ANKRD31: variants seen among roughly 807,000 people sequenced by gnomAD.
ANKRD31 encodes ankyrin repeat domain-containing protein 31.
In ANKRD31, 147 loss-of-function variants were observed where a neutral mutation model predicts 186.0. The observed-to-expected ratio is 0.79, with a 90% confidence interval of 0.69 to 0.91. The LOEUF is 0.91. Among genes scored for constraint, ANKRD31 ranks in the 40% least tolerant of loss-of-function variants. ANKRD31 has a pLI of 0.00. For missense variants in ANKRD31, 1,986 were observed against 2,148.8 expected (o/e 0.92, Z 1.50); for synonymous variants, 673 against 736.4 (o/e 0.91, Z 1.39).
At chr5:75,215,808 T>G (rs1414206704) in intron 3 of ANKRD31, among the ~76,000 whole-genome samples, 2 of 151,974 alleles carry the variant, frequency 1.3e-5, no homozygotes, top group Non-Finnish European at 2.9e-5. Flanking sequence ...TAATTCCAGT[T>G]GCAAAACAAC....
At chr5:75,094,474 C>G (rs1362824887) in intron 22 of ANKRD31, among the ~76,000 whole-genome samples, 4 of 152,036 alleles carry the variant, frequency 2.6e-5, no homozygotes, top group Admixed American at 2.6e-4. Context: ...GAAGCTGATT[C>G]TGATAAGTGA....
At chr5:75,132,871 T>G (rs183764680) in intron 17 of ANKRD31, among the ~76,000 whole-genome samples, 1 of 151,632 alleles carries the variant, frequency 6.6e-6, no homozygotes, top group Non-Finnish European at 1.5e-5. Flanking sequence ...TCAACATTCT[T>G]AAAAAAATAT....
At chr5:75,175,451 C>A (rs1026391278) in intron 10 of ANKRD31, among the ~76,000 whole-genome samples, 1 of 151,804 alleles carries the variant, frequency 6.6e-6, no homozygotes, top group African/African-American at 2.4e-5. Context: ...CATGTTTAAT[C>A]GTGAAATATG....
At chr5:75,211,382 A>T (rs1334364850) in intron 3 of ANKRD31, among the ~76,000 whole-genome samples, 5 of 152,210 alleles carry the variant, frequency 3.3e-5, no homozygotes, top group Admixed American at 6.5e-5. Flanking sequence ...TGGTTTATTC[A>T]TCTATTGATG....
intron 11 of ANKRD31, among the ~76,000 whole-genome samples, chr5:75,155,321 T>A (rs1752093424): frequency 6.6e-6 from 1 of 152,058 alleles, no homozygotes. Context: ...ACACAAATGG[T>A]CATATATTAT....
intron 22 of ANKRD31, among the ~76,000 whole-genome samples, chr5:75,097,791 G>A (rs1305143210): frequency 6.6e-6 from 1 of 152,142 alleles, no homozygotes; most frequent in African/African-American, 2.4e-5. Flanking sequence ...ATGGTTTTAG[G>A]TCTAACATTT....
At chr5:75,157,093 A>T (rs1241491851) in intron 11 of ANKRD31, among the ~76,000 whole-genome samples, 2 of 152,190 alleles carry the variant, frequency 1.3e-5, no homozygotes, top group Non-Finnish European at 2.9e-5. Flanking sequence ...AGATCCTACC[A>T]GGGAGGGCTT....
chr5:75,222,193 G>T lies in ANKRD31; in HGVS notation c.288+56C>A. On this transcript the variant is annotated intron_variant, in intron 3 of 25. Transcript: ENST00000506364. ...ATTATCATTAGTAATTTGCCACTCT[G>T]AGCGATAGCATTTCCAATTTTTAAT... The T allele has an allele frequency of 3.1e-6, 4 of 1,291,720 alleles. No homozygotes were observed. In the South Asian group the frequency reaches 4.3e-5, roughly 14 times the overall value. The allele number at this position is 1,291,720 out of a possible 1,614,324, so 80.0% of individuals were successfully genotyped here.
chr5:75,224,526 A>C (rs937877770), intron 2 of ANKRD31, among the ~76,000 whole-genome samples: 7 of 152,152 alleles, frequency 4.6e-5, no homozygotes, highest in Non-Finnish European at 5.9e-5. Context: ...TTAATATATG[A>C]CAATGGTATT....
At chr5:75,235,752 T>C (rs936761139) in intron 1 of ANKRD31, among the ~76,000 whole-genome samples, 2 of 152,306 alleles carry the variant, frequency 1.3e-5, no homozygotes, top group African/African-American at 2.4e-5. Flanking sequence ...GGGATCGGTA[T>C]TGCCTGAAAA....
At chr5:75,096,258 AATG>A (rs1746308553) in intron 22 of ANKRD31, among the ~76,000 whole-genome samples, 1 of 152,104 alleles carries the variant, frequency 6.6e-6, no homozygotes, top group Non-Finnish European at 1.5e-5. Context: ...GCATTTCTCT[AATG>A]ATCAGTGATG....
chr5:75,080,642 G>A lies in ANKRD31; in HGVS notation c.5576-3C>T. ...TGGGTCATCTAAACAAGCAACTTCTGAAAGTGAAACAAAACGTTAGTAATA... is the reference window on the plus strand; with the variant it reads ...TGGGTCATCTAAACAAGCAACTTCTAAAAGTGAAACAAAACGTTAGTAATA... On this transcript the variant is annotated splice_region_variant and splice_polypyrimidine_tract_variant and intron_variant, in intron 24 of 25. Transcript: ENST00000506364. 6.6e-7 allele frequency: 1 copy of A among 1,525,622 alleles called. No individual in the cohort carries two copies. The highest frequency in any genetic ancestry group is 8.8e-7 in the Non-Finnish European group (1 of 1,142,416). 94.5% of individuals were successfully genotyped at this position (1,525,622 alleles called of 1,614,324 possible).
chr5:75,115,471 A>G (rs1748146788), intron 19 of ANKRD31, among the ~76,000 whole-genome samples: 1 of 151,690 alleles, frequency 6.6e-6, no homozygotes. Flanking sequence ...GTGAACAGGC[A>G]ACCTACAAAA....
At chr5:75,176,273 C>T (rs192419128) in intron 10 of ANKRD31, among the ~76,000 whole-genome samples, 21 of 152,296 alleles carry the variant, frequency 1.4e-4, no homozygotes, top group South Asian at 6.2e-4. Context: ...AGCTCAAGGA[C>T]GCCTGCCTGC....
At chr5:75,183,615 T>C (rs1754483227) in intron 10 of ANKRD31, among the ~76,000 whole-genome samples, 1 of 152,042 alleles carries the variant, frequency 6.6e-6, no homozygotes, top group African/African-American at 2.4e-5. Context: ...ATATGCTAAA[T>C]AGTGAACTAT....
rs185089089 is a variant in ANKRD31, at chr5:75,231,926, C to A, written c.105-1291G>T. 1.3e-5 allele frequency among the ~76,000 whole-genome samples: 2 copies of A among 151,696 alleles called. 1 individual carries two copies. The highest frequency in any genetic ancestry group is 1.3e-4 in the Admixed American group (2 of 15,200). ...CTCAAAACACACACACACACACACA[C>A]ACACACACACACACACACACACAAC... On this transcript the variant is annotated intron_variant, in intron 1 of 25. Transcript: ENST00000506364.
At chr5:75,233,466 C>T (rs1007360918) in intron 1 of ANKRD31, among the ~76,000 whole-genome samples, 4 of 152,038 alleles carry the variant, frequency 2.6e-5, no homozygotes, top group African/African-American at 9.7e-5. Context: ...AGTATTTAAT[C>T]TATTTCATAT....
chr5:75,120,514 C>G (rs1222280793), intron 17 of ANKRD31, among the ~76,000 whole-genome samples: 1 of 152,066 alleles, frequency 6.6e-6, no homozygotes, highest in Non-Finnish European at 1.5e-5. Context: ...ATACTATATG[C>G]CAGTGGATAA....
At chr5:75,079,073 A>G (rs1431578006) in intron 25 of ANKRD31, among the ~76,000 whole-genome samples, 1 of 152,234 alleles carries the variant, frequency 6.6e-6, no homozygotes, top group Non-Finnish European at 1.5e-5. Context: ...AAATGTGTTA[A>G]TATACCACAT....
Sources: allele counts gnomAD v4.1 joint callset (sites outside exome capture counted in the v4.1 genomes callset), GRCh38; gene constraint gnomAD v4.1.1; transcripts MANE v1.5; gene names NCBI Gene and HGNC (gene_info 2026-07-23, HGNC 2026-07-21).